The following DDX25 variants were observed in gnomAD, a reference collection of about 807,000 sequenced individuals.
The protein encoded by DDX25 is ATP-dependent RNA helicase DDX25.
Under a neutral mutation model 64.6 loss-of-function variants are expected in DDX25, and 70 were observed. The observed-to-expected ratio is 1.08, with a 90% confidence interval of 0.89 to 1.32. The LOEUF (loss-of-function observed/expected upper bound fraction) is 1.32. Among genes scored for constraint, DDX25 ranks in the 40% most tolerant of loss-of-function variants. The probability of loss-of-function intolerance (pLI) is 0.00; values close to 1 mark genes in which losing one functional copy is unlikely to be tolerated. For missense variants in DDX25, 587 were observed against 604.4 expected (o/e 0.97, Z 0.30); for synonymous variants, 211 against 213.3 (o/e 0.99, Z 0.09).
intron 4 of DDX25, among the ~76,000 whole-genome samples, chr11:125,907,378 G>C (rs1343242555): frequency 6.6e-6 from 1 of 152,132 alleles, no homozygotes; most frequent in Non-Finnish European, 1.5e-5. Context: ...GGAGGCCAAG[G>C]GGGGCGGATC....
chr11:125,920,898 C>T (rs1945101771), intron 10 of DDX25: 2 of 264,616 alleles, frequency 7.6e-6, no homozygotes, highest in South Asian at 1.6e-4. Context: ...GGTGAGGGCA[C>T]CTCTCCACCA....
intron 3 of DDX25, 33 bp downstream of exon 3, chr11:125,905,630 A>C: frequency 6.5e-7 from 1 of 1,535,010 alleles, no homozygotes; most frequent in Non-Finnish European, 8.8e-7. Context: ...TGTATCTACT[A>C]GCATTCTGTT....
chr11:125,904,579 A>G lies in DDX25; in HGVS notation c.62A>G (p.His21Arg). ...GAAESERLNSHFSNLSQPRKN... is the reference protein window; with the variant it reads ...GAAESERLNSRFSNLSQPRKN... ...GCGGAGAGCGAGCGGCTGAACAGCC[A>G]CGTAACCGCCACCGAGCCGGGGGGC... Residue 21 changes from histidine to arginine, a missense_variant and splice_region_variant, in exon 1 of 12, where the codon CAC becomes CGC. By Grantham distance (29) the His-to-Arg change is conservative. Coordinates refer to ENST00000263576, the MANE Select transcript of DDX25 (RefSeq NM_013264.5). 1.3e-6 allele frequency: 2 copies of G among 1,487,818 alleles called. No individual in the cohort carries two copies. Among genetic ancestry groups the G allele is most frequent in the Non-Finnish European group, 1.8e-6 (2 of 1,119,062 alleles). 92.2% of individuals were successfully genotyped at this position (1,487,818 alleles called of 1,614,324 possible).
chr11:125,917,475 G>A (rs761170641), intron 9 of DDX25, among the ~76,000 whole-genome samples: 14 of 152,316 alleles, frequency 9.2e-5, no homozygotes, highest in Non-Finnish European at 1.5e-4. Flanking sequence ...TAAACACAGG[G>A]CCTTCTTTTA....
rs779977452 is a variant in DDX25 at position 125,925,239 on chromosome 11, G to A, written c.*2358G>A. On this transcript the variant is annotated 3_prime_UTR_variant, in exon 12 of 12. Coordinates refer to ENST00000263576, the MANE Select transcript of DDX25 (RefSeq NM_013264.5). ...AGTTCAAATCTCTGGTAAGATCTCC[G>A]CCAGTTACCCTCACAAATGTCCTCA... 32 of 352,512 alleles carry A rather than the reference G, an allele frequency of 9.1e-5. No homozygotes were observed. The highest frequency in any genetic ancestry group is 5.5e-4 in the South Asian group (26 of 47,380). 21.8% of individuals were successfully genotyped at this position (352,512 alleles called of 1,614,324 possible). A position where few individuals can be genotyped will look rare whatever the true frequency, so the allele number is the denominator to read the frequency against.
intron 9 of DDX25, 127 bp downstream of exon 9, chr11:125,917,378 C>A: frequency 1.2e-6 from 1 of 834,194 alleles, no homozygotes; most frequent in Non-Finnish European, 1.9e-6. Flanking sequence ...GTTTAATCTT[C>A]AGAACAGCTC....
chr11:125,906,082 G>A lies in DDX25; in HGVS notation c.184G>A (p.Ala62Thr), dbSNP rs1207709250. 5 of 1,529,200 alleles carry A rather than the reference G, an allele frequency of 3.3e-6. 1 individual carries two copies. The South Asian group carries it at 6.3e-5, about 19-fold the overall frequency. 94.7% of individuals were successfully genotyped at this position (1,529,200 alleles called of 1,614,324 possible). The part of the protein sequence containing the change: ...EDDEEDVVDL[A>T]ANSLLNKLIH... The stretch of plus-strand genomic sequence containing the variant: ...TATTTTTGCTTTTCTAGTGGATTTG[G>A]CAGCTAATTCACTCTTAAACAAGTT... The change falls in exon 4 of 12, where the codon GCA becomes ACA. Residue 62 changes from alanine to threonine, a missense_variant. Ala to Thr is a moderately conservative substitution (Grantham distance 58, BLOSUM62 0). Coordinates refer to ENST00000263576, the MANE Select transcript of DDX25 (RefSeq NM_013264.5).
intron 6 of DDX25, among the ~76,000 whole-genome samples, chr11:125,909,430 A>G (rs1247236501): frequency 6.6e-6 from 1 of 152,178 alleles, no homozygotes; most frequent in Non-Finnish European, 1.5e-5. Flanking sequence ...ACAGATTCCT[A>G]ATTGACACAT....
rs1339059998 is a variant in DDX25, at chr11:125,913,174, A to G, written c.800+1686A>G. Among the ~76,000 whole-genome samples the G allele has an allele frequency of 1.3e-5, 2 of 151,838 alleles. 1 individual carries two copies. Among genetic ancestry groups the G allele is most frequent in the South Asian group, 4.2e-4 (2 of 4,804 alleles). ...CTCCATTTCAAAAAAAAAAAAAAAA[A>G]ACCATCCATTTCTCTTTTTTCCTGC... On this transcript the variant is annotated intron_variant, in intron 8 of 11. Coordinates refer to ENST00000263576, the MANE Select transcript of DDX25 (RefSeq NM_013264.5).
chr11:125,908,375 G>T (rs1565463480), intron 5 of DDX25, 26 bp from the exon 6 acceptor site: 1 of 1,613,642 alleles, frequency 6.2e-7, no homozygotes, highest in Non-Finnish European at 8.5e-7. Flanking sequence ...TTCAGTTTAT[G>T]CCCAGTGGTC....
intron 9 of DDX25, among the ~76,000 whole-genome samples, chr11:125,917,639 T>C (rs565180629): frequency 1.3e-4 from 20 of 152,310 alleles, no homozygotes; most frequent in African/African-American, 4.8e-4. Flanking sequence ...TCATCTGTTT[T>C]ATTTTCTCAC....
At chr11:125,904,298 GCCCTCCGCCCCGCTCTCTGC>G, upstream of DDX25, 2 of 371,186 alleles carry the variant, frequency 5.4e-6, no homozygotes, top group Admixed American at 4.7e-5. Context: ...CCCGCTCTCT[GCCCTCCGCCCCGCTCTCTGC>G]CCCCCGCCCC....
At position 125,911,362 on chromosome 11, in the gene DDX25, C is replaced by G. The variant is rs749449766; in HGVS notation, c.674C>G (p.Thr225Ser). 2 of 1,613,656 alleles carry G rather than the reference C, an allele frequency of 1.2e-6. No individual in the cohort carries two copies. Among genetic ancestry groups the G allele is most frequent in the Non-Finnish European group, 8.5e-7 (1 of 1,179,812 alleles). Residue 225 changes from threonine (T) to serine (S), a missense_variant, in exon 8 of 12, where the codon ACT (threonine) becomes AGT (serine). Transcript: ENST00000263576. Reference sequence around the variant, plus strand: ...CAGATTATAATTGGCACTCCTGGGACTGTCCTAGATTGGTGTTTTAAACTA... The same window carrying G: ...CAGATTATAATTGGCACTCCTGGGAGTGTCCTAGATTGGTGTTTTAAACTA... ...TKQIIIGTPGTVLDWCFKLKL... is the reference protein window; with the variant it reads ...TKQIIIGTPGSVLDWCFKLKL...
chr11:125,905,461 G>C, intron 2 of DDX25, 92 bp from the exon 3 acceptor site: 8 of 1,400,202 alleles, frequency 5.7e-6, no homozygotes, highest in Non-Finnish European at 7.9e-6. Flanking sequence ...AGTAGACACT[G>C]AAGAGTCAGG....
chr11:125,906,971 C>T (rs1222581697), intron 4 of DDX25, among the ~76,000 whole-genome samples: 1 of 152,118 alleles, frequency 6.6e-6, no homozygotes, highest in East Asian at 1.9e-4. Context: ...CCAGATTGCC[C>T]CTCTCCATAT....
intron 9 of DDX25, 72 bp from the exon 10 acceptor site, chr11:125,918,556 G>T: frequency 1.3e-6 from 2 of 1,532,902 alleles, no homozygotes; most frequent in Non-Finnish European, 1.8e-6. Flanking sequence ...CTGCATGCAT[G>T]GTGTCACAAG....
At position 125,922,793 on chromosome 11, in the gene DDX25, T is replaced by A. The variant is rs1945130646; in HGVS notation, c.1391-27T>A. The A allele has an allele frequency of 3.8e-6, 6 of 1,587,642 alleles. No homozygotes were observed. The Admixed American group carries it at 1.1e-4, about 28-fold the overall frequency. On this transcript the variant is annotated intron_variant, in intron 11 of 11. Coordinates refer to ENST00000263576, the MANE Select transcript of DDX25 (RefSeq NM_013264.5). ...TTCCATTTAGACCCTGACATGAGACTAGTTCTGTTCTCTTTTGTTCTTTTA... is the reference window on the plus strand; with the variant it reads ...TTCCATTTAGACCCTGACATGAGACAAGTTCTGTTCTCTTTTGTTCTTTTA...
Position 125,921,450 on chromosome 11 carries a change from G to T in DDX25, c.1390+71G>T, listed in dbSNP as rs1174092505. 9 of 1,525,234 alleles carry T rather than the reference G, an allele frequency of 5.9e-6. No individual in the cohort carries two copies. The highest frequency in any genetic ancestry group is 7.9e-6 in the Non-Finnish European group (9 of 1,132,522). The allele number at this position is 1,525,234 out of a possible 1,614,324, so 94.5% of individuals were successfully genotyped here. On this transcript the variant is annotated intron_variant, in intron 11 of 11. Transcript: ENST00000263576. The surrounding 1 kb of genome is among the most constrained non-coding windows in gnomAD (Gnocchi z 4.1). Reference sequence around the variant, plus strand: ...TGACAGTGATGATGTGTGCTGGAGAGCTGGAGTCCAGGGGCTCATGAGAGT... The same window carrying T: ...TGACAGTGATGATGTGTGCTGGAGATCTGGAGTCCAGGGGCTCATGAGAGT...
upstream of DDX25, among the ~76,000 whole-genome samples, chr11:125,904,080 C>T (rs1289506186): frequency 6.6e-6 from 1 of 152,242 alleles, no homozygotes; most frequent in African/African-American, 2.4e-5. Flanking sequence ...ATTCGCTAAC[C>T]TTTCTGACAT....
Sources: gnomAD v4.1 joint callset for allele counts (sites outside exome capture counted in the v4.1 genomes callset) on GRCh38, gnomAD v4.1.1 for gene constraint, Gnocchi (gnomAD v3.1) non-coding constraint, MANE v1.5 for transcripts, NCBI Gene and HGNC (gene_info 2026-07-23, HGNC 2026-07-21) for gene names.